The following COL24A1 variants were observed in gnomAD, a reference collection of about 807,000 sequenced individuals.
The protein encoded by COL24A1 is collagen type XXIV alpha 1 chain, also known as collagen alpha-1(XXIV) chain.
COL24A1 carries 224 observed loss-of-function variants against 253.9 expected under a neutral mutation model. The ratio of observed to expected loss-of-function variants is 0.88; its 90% confidence interval spans 0.79 to 0.99. The LOEUF (loss-of-function observed/expected upper bound fraction) is 0.99, where lower values mean the gene tolerates loss of function less well. COL24A1 is among the 50% of genes least tolerant of loss of function. COL24A1 has a pLI of 0.00. For synonymous variants in COL24A1, 685 were observed against 673.7 expected (o/e 1.02, Z -0.26); for missense variants, 2,131 against 2,068.5 (o/e 1.03, Z -0.59).
chr1:86,092,913 G>C (rs1395090708), intron 5 of COL24A1, among the ~76,000 whole-genome samples: 2 of 151,804 alleles, frequency 1.3e-5, no homozygotes, highest in Admixed American at 6.6e-5. Flanking sequence ...ATGACATTAG[G>C]TTTCAGCTAA....
chr1:85,754,593 TCTTA>T (rs1349286000), intron 55 of COL24A1, among the ~76,000 whole-genome samples: 4 of 146,002 alleles, frequency 2.7e-5, no homozygotes, highest in East Asian at 2.0e-4. Context: ...GAGAAAGATG[TCTTA>T]CTAAGTAGAG....
At chr1:86,050,090 C>T in intron 11 of COL24A1, 34 bp downstream of exon 11, 1 of 1,575,610 alleles carries the variant, frequency 6.3e-7, no homozygotes, top group Non-Finnish European at 8.7e-7. Context: ...AAGTATATCA[C>T]TTTAGAAATA....
chr1:85,830,605 T>C (rs557588037), intron 43 of COL24A1, among the ~76,000 whole-genome samples: 2 of 152,252 alleles, frequency 1.3e-5, no homozygotes, highest in East Asian at 3.9e-4. Context: ...CTGAGCCATG[T>C]GCGGGATATA....
intron 24 of COL24A1, among the ~76,000 whole-genome samples, chr1:85,946,009 A>T (rs976159963): frequency 2.6e-5 from 4 of 152,178 alleles, no homozygotes; most frequent in African/African-American, 9.7e-5. Context: ...ATTTGGGGAC[A>T]GTTCCCAGCA....
chr1:86,109,683 T>C (rs1705342660), intron 5 of COL24A1, among the ~76,000 whole-genome samples: 1 of 152,218 alleles, frequency 6.6e-6, no homozygotes. Context: ...CCTCAAAGAT[T>C]CATGAAGTTA....
chr1:85,737,645 C>A lies in COL24A1; in HGVS notation c.4673-140G>T, dbSNP rs527350629. ...GCGGTGCGATCTTGGCTCACTGTAA[C>A]CTCCGCTTCCTGGGTTCAAGTGATT... is the stretch of plus-strand genomic sequence containing the variant. On this transcript the variant is annotated intron_variant, in intron 57 of 59. Coordinates refer to ENST00000370571, the MANE Select transcript of COL24A1 (RefSeq NM_152890.7). The A allele has an allele frequency of 1.2e-3, 654 of 531,796 alleles. 1 individual carries two copies. The highest frequency in any genetic ancestry group is 1.9e-3 in the Non-Finnish European group (580 of 304,676). 32.9% of individuals were successfully genotyped at this position (531,796 alleles called of 1,614,324 possible).
chr1:85,983,518 G>C (rs529992472), intron 20 of COL24A1, among the ~76,000 whole-genome samples: 3 of 151,956 alleles, frequency 2.0e-5, no homozygotes, highest in African/African-American at 7.2e-5. Context: ...AATTGCTCTG[G>C]AAAGAACCCA....
At chr1:85,774,854 T>C (rs1668363733) in intron 53 of COL24A1, among the ~76,000 whole-genome samples, 1 of 152,202 alleles carries the variant, frequency 6.6e-6, no homozygotes. Flanking sequence ...TGAAGGGTTT[T>C]TTGGTGTCTA....
At chr1:85,995,255 AT>A (rs918030608) in intron 19 of COL24A1, among the ~76,000 whole-genome samples, 228 of 150,208 alleles carry the variant, frequency 1.5e-3, no homozygotes, top group African/African-American at 4.4e-3. Context: ...AATTAAAAAA[AT>A]TTTTTTTTTT....
chr1:86,042,379 A>T (rs1571713196), intron 12 of COL24A1, among the ~76,000 whole-genome samples: 1 of 152,270 alleles, frequency 6.6e-6, no homozygotes, highest in East Asian at 1.9e-4. Flanking sequence ...TTGAAGAAAG[A>T]AGTGTGTTAC....
At chr1:86,104,811 AGT>A (rs1704797202) in intron 5 of COL24A1, among the ~76,000 whole-genome samples, 1 of 152,200 alleles carries the variant, frequency 6.6e-6, no homozygotes, top group African/African-American at 2.4e-5. Context: ...TGCTAGCCAA[AGT>A]GTTTCATAGG....
intron 24 of COL24A1, among the ~76,000 whole-genome samples, chr1:85,913,564 A>G (rs1685579176): frequency 6.6e-6 from 1 of 152,180 alleles, no homozygotes; most frequent in Admixed American, 6.5e-5. Context: ...ATTCCACTGA[A>G]CTAGAAGTTA....
chr1:85,876,386 C>G (rs562130748), intron 33 of COL24A1, among the ~76,000 whole-genome samples: 25 of 152,130 alleles, frequency 1.6e-4, no homozygotes, highest in African/African-American at 6.0e-4. Flanking sequence ...GGGAATTAAA[C>G]AGAGGAAGAA....
intron 47 of COL24A1, among the ~76,000 whole-genome samples, chr1:85,810,551 G>A (rs143591551): frequency 1.3e-5 from 2 of 152,052 alleles, no homozygotes; most frequent in African/African-American, 4.8e-5. Context: ...CAAATCTCAT[G>A]TTGAATTGTA....
In COL24A1 at chr1:85,861,839, T is replaced by C. The variant is rs374855614; in HGVS notation, c.3300+6680A>G. 2.0e-4 allele frequency among the ~76,000 whole-genome samples: 31 copies of C among 152,334 alleles called. 2 individuals are homozygous for C. The highest frequency in any genetic ancestry group is 1.9e-3 in the East Asian group (10 of 5,192). ...CTACTTCCTACCTATTTCTTCAAGC[T>C]CATCTCAAACAACTTTTCACTATTT... On this transcript the variant is annotated intron_variant, in intron 37 of 59. Transcript: ENST00000370571.
intron 2 of COL24A1, among the ~76,000 whole-genome samples, chr1:86,137,276 C>T (rs1404126692): frequency 6.6e-6 from 1 of 152,062 alleles, no homozygotes; most frequent in African/African-American, 2.4e-5. Flanking sequence ...ATATTAGGTG[C>T]TTTACATTTT....
chr1:85,984,753 G>A (rs1281454741), intron 20 of COL24A1, among the ~76,000 whole-genome samples: 1 of 151,488 alleles, frequency 6.6e-6, no homozygotes, highest in Non-Finnish European at 1.5e-5. Flanking sequence ...GATGTCAAAC[G>A]GTACCTCAAA....
At chr1:86,053,680 G>C (rs1700478630) in intron 10 of COL24A1, among the ~76,000 whole-genome samples, 2 of 151,888 alleles carry the variant, frequency 1.3e-5, no homozygotes, top group African/African-American at 4.8e-5. Context: ...TTTACTTTTG[G>C]GGGCAGCTAG....
chr1:85,791,432 A>T (rs918746647), intron 47 of COL24A1, among the ~76,000 whole-genome samples: 7 of 152,192 alleles, frequency 4.6e-5, no homozygotes, highest in African/African-American at 1.7e-4. Flanking sequence ...AAAAAGAATT[A>T]TTGGATAAAT....
Sources: allele counts gnomAD v4.1 joint callset (sites outside exome capture counted in the v4.1 genomes callset), GRCh38; gene constraint gnomAD v4.1.1; transcripts MANE v1.5; gene names NCBI Gene and HGNC (gene_info 2026-07-23, HGNC 2026-07-21).